Variants in PRKX observed in about 807,000 individuals in gnomAD.
The protein encoded by PRKX is cAMP-dependent protein kinase catalytic subunit PRKX.
PRKX carries 12 observed loss-of-function variants against 22.0 expected under a neutral mutation model. The ratio of observed to expected loss-of-function variants is 0.54; its 90% CI spans 0.35 to 0.88. The LOEUF (loss-of-function observed/expected upper bound fraction) is 0.88, where lower values mean the gene tolerates loss of function less well. Ranked by LOEUF, PRKX falls within the 40% of genes least tolerant of loss-of-function variation. PRKX has a pLI of 0.01. For missense variants in PRKX, 217 were observed against 308.0 expected (o/e 0.70, Z 2.21); for synonymous variants, 134 against 137.7 (o/e 0.97, Z 0.19).
chrX:3,618,858 C>G (rs1926495790), intron 6 of PRKX, among the ~76,000 whole-genome samples: 1 of 111,336 alleles, frequency 9.0e-6, no homozygotes, highest in Non-Finnish European at 1.9e-5. Flanking sequence ...AGCAAGAGAC[C>G]CAGCTCTTTT....
intron 2 of PRKX, among the ~76,000 whole-genome samples, chrX:3,656,515 G>A (rs1927484249): frequency 9.0e-6 from 1 of 111,287 alleles, no homozygotes; most frequent in African/African-American, 3.3e-5. Flanking sequence ...TTAATATGTA[G>A]GTGTAGATAG....
chrX:3,685,738 TA>T (rs1397276237), intron 1 of PRKX, among the ~76,000 whole-genome samples: 20 of 102,127 alleles, frequency 2.0e-4, no homozygotes, highest in Admixed American at 4.2e-4. Flanking sequence ...AAGAGGAATT[TA>T]AAAAAAAAAA....
At chrX:3,640,122 G>A (rs757033511) in intron 4 of PRKX, among the ~76,000 whole-genome samples, 1 of 109,881 alleles carries the variant, frequency 9.1e-6, no homozygotes, top group African/African-American at 3.3e-5. Context: ...TTGCGACAAT[G>A]GAGGCCACTC....
chrX:3,618,078 AG>A (rs1414508658), intron 6 of PRKX, among the ~76,000 whole-genome samples: 6,167 of 102,358 alleles, frequency 0.06, 177 homozygotes, highest in Middle Eastern at 0.11. Flanking sequence ...AGAGAGAGAG[AG>A]AGAGAGAAAT....
Position 3,634,819 on chromosome X carries a change from T to C in PRKX, c.719+7033A>G, listed in dbSNP as rs777055310. Among the ~76,000 whole-genome samples, 4 of 111,621 alleles carry C rather than the reference T, an allele frequency of 3.6e-5. No individual in the cohort carries two copies. The South Asian group carries it at 1.5e-3, about 43-fold the overall frequency. On this transcript the variant is annotated intron_variant, in intron 4 of 8. Coordinates refer to ENST00000262848, the MANE Select transcript of PRKX (RefSeq NM_005044.5). ...ATCCTCCCACCTCAGCCTCCCAAAG[T>C]ACTGGGACCCTGGGCGTGTACCATC...
intron 1 of PRKX, among the ~76,000 whole-genome samples, chrX:3,702,806 G>A (rs187841523): frequency 3.4e-3 from 357 of 104,981 alleles, no homozygotes; most frequent in African/African-American, 0.012. Flanking sequence ...CAATCCTCCC[G>A]TCTCAGCCCC....
intron 5 of PRKX, 30 bp downstream of exon 5, chrX:3,626,389 A>G (rs1436984735): frequency 2.2e-5 from 24 of 1,096,447 alleles, no homozygotes; most frequent in Non-Finnish European, 2.9e-5. Flanking sequence ...AAATAAACAC[A>G]CCTCATGATG....
intron 3 of PRKX, 136 bp downstream of exon 3, chrX:3,655,013 C>G: frequency 1.1e-6 from 1 of 920,453 alleles, no homozygotes. Flanking sequence ...CTCTCTCATC[C>G]CTGGTTGCAA....
intron 3 of PRKX, among the ~76,000 whole-genome samples, chrX:3,650,870 C>A (rs1927313735): frequency 1.0e-5 from 1 of 97,248 alleles, no homozygotes; most frequent in East Asian, 3.1e-4. Context: ...CAGAGTAAGA[C>A]CCTGTCTTTA....
chrX:3,643,700 T>G (rs1369434755), intron 3 of PRKX, among the ~76,000 whole-genome samples: 1 of 110,376 alleles, frequency 9.1e-6, no homozygotes. Flanking sequence ...CTCCCACCAC[T>G]CAGATCAATG....
chrX:3,644,046 G>A (rs1927136974), intron 3 of PRKX, among the ~76,000 whole-genome samples: 1 of 109,436 alleles, frequency 9.1e-6, no homozygotes, highest in Non-Finnish European at 1.9e-5. Flanking sequence ...AAGCCCTTGG[G>A]ATAACAACAA....
At chrX:3,611,169 C>CCT (rs1926288101) in intron 8 of PRKX, 1 of 111,743 alleles carries the variant, frequency 8.9e-6, no homozygotes, top group African/African-American at 3.2e-5. Context: ...ATCCAGCTTT[C>CCT]CTCTTGGTAC....
intron 3 of PRKX, among the ~76,000 whole-genome samples, chrX:3,649,530 T>C (rs1927263688): frequency 1.3e-5 from 1 of 76,362 alleles, no homozygotes; most frequent in South Asian, 8.7e-4. Flanking sequence ...AGAAATCAAG[T>C]CACCAAGAGC....
At chrX:3,699,907 G>A (rs1476973499) in intron 1 of PRKX, among the ~76,000 whole-genome samples, 1 of 112,077 alleles carries the variant, frequency 8.9e-6, no homozygotes, top group Middle Eastern at 4.2e-3. Flanking sequence ...AGCAGGTGGC[G>A]GCTGCCTTGT....
rs192919572 is a variant in PRKX, at chrX:3,638,925, T to C, written c.719+2927A>G. Among the ~76,000 whole-genome samples the C allele has an allele frequency of 2.2e-4, 23 of 103,189 alleles. No individual in the cohort carries two copies. The East Asian group carries it at 3.1e-3, about 14-fold the overall frequency. The allele number at this position is 103,189 out of a possible 115,157, so 89.6% of individuals were successfully genotyped here. A position where few individuals can be genotyped will look rare whatever the true frequency, so the allele number is the denominator to read the frequency against. On this transcript the variant is annotated intron_variant, in intron 4 of 8. Transcript: ENST00000262848. ...ACATGAATGACAGATAGATGATAGG[T>C]AAATACATAGATAACAGGTAGGTAG...
At chrX:3,675,100 G>A (rs1217116105) in intron 1 of PRKX, among the ~76,000 whole-genome samples, 5 of 111,458 alleles carry the variant, frequency 4.5e-5, no homozygotes, top group Non-Finnish European at 9.4e-5. Flanking sequence ...ACACCCACAC[G>A]CCCCACACAC....
chrX:3,688,914 A>C (rs1262685183), intron 1 of PRKX, among the ~76,000 whole-genome samples: 1 of 110,145 alleles, frequency 9.1e-6, no homozygotes, highest in Non-Finnish European at 1.9e-5. Context: ...CATAAGTGAT[A>C]ATTTGCTTCT....
At chrX:3,630,539 G>A (rs1192247545) in intron 4 of PRKX, among the ~76,000 whole-genome samples, 2 of 111,733 alleles carry the variant, frequency 1.8e-5, no homozygotes, top group Non-Finnish European at 3.8e-5. Flanking sequence ...CAGCCTGGGC[G>A]ACAGAGCAAG....
intron 1 of PRKX, among the ~76,000 whole-genome samples, chrX:3,676,366 G>A (rs991931159): frequency 5.4e-5 from 6 of 111,358 alleles, no homozygotes; most frequent in African/African-American, 2.0e-4. Context: ...TCATTGGCTG[G>A]TACTCCTGTG....
Sources: gnomAD v4.1 joint callset for allele counts (sites outside exome capture counted in the v4.1 genomes callset) on GRCh38, gnomAD v4.1.1 for gene constraint, MANE v1.5 for transcripts, NCBI Gene and HGNC (gene_info 2026-07-23, HGNC 2026-07-21) for gene names.